The following STARD3NL variants were observed in gnomAD, a reference collection of about 807,000 sequenced individuals.
The protein encoded by STARD3NL is STARD3 N-terminal-like protein.
A neutral mutation model predicts 30.9 loss-of-function variants in STARD3NL; 17 were observed. The observed-to-expected ratio is 0.55, with a 90% CI of 0.38 to 0.82. STARD3NL has a LOEUF of 0.82. STARD3NL is among the 40% of genes least tolerant of loss of function. The pLI is 0.00. For synonymous variants in STARD3NL, 112 were observed against 100.5 expected (o/e 1.11, Z -0.69); for missense variants, 234 against 277.6 (o/e 0.84, Z 1.12).
intron 1 of STARD3NL, among the ~76,000 whole-genome samples, chr7:38,203,927 A>G (rs1478098701): frequency 6.6e-6 from 1 of 151,968 alleles, no homozygotes; most frequent in Non-Finnish European, 1.5e-5. Flanking sequence ...AAGAAGAGCT[A>G]ACTATCCTAA....
chr7:38,187,635 T>G (rs550592421), intron 1 of STARD3NL, among the ~76,000 whole-genome samples: 4 of 126,060 alleles, frequency 3.2e-5, no homozygotes, highest in Admixed American at 7.7e-5. Context: ...AATTTATTAG[T>G]TTTTTTTTCA....
At chr7:38,220,248 A>C (rs1000782353) in intron 7 of STARD3NL, among the ~76,000 whole-genome samples, 1 of 152,240 alleles carries the variant, frequency 6.6e-6, no homozygotes, top group African/African-American at 2.4e-5. Context: ...CAGCAACCAG[A>C]GTGCTCTGTT....
chr7:38,214,954 T>C, intron 3 of STARD3NL, 74 bp from the exon 4 acceptor site: 1 of 1,321,200 alleles, frequency 7.6e-7, no homozygotes, highest in Non-Finnish European at 1.1e-6. Context: ...GAAGACAGTC[T>C]GGTGAGTTTT....
intron 7 of STARD3NL, among the ~76,000 whole-genome samples, chr7:38,221,307 T>C (rs1413022682): frequency 1.3e-5 from 2 of 152,350 alleles, no homozygotes; most frequent in East Asian, 3.9e-4. Context: ...TCCTCCCTTG[T>C]CTGCTTATCT....
At chr7:38,185,037 T>C (rs868723430) in intron 1 of STARD3NL, among the ~76,000 whole-genome samples, 33 of 152,146 alleles carry the variant, frequency 2.2e-4, no homozygotes, top group African/African-American at 7.5e-4. Flanking sequence ...ATTATTAGAC[T>C]GTAAAGCACA....
chr7:38,210,095 A>G (rs1307056909), intron 2 of STARD3NL, among the ~76,000 whole-genome samples: 1 of 152,184 alleles, frequency 6.6e-6, no homozygotes, highest in African/African-American at 2.4e-5. Flanking sequence ...TACACGCAGT[A>G]CCATTCATTT....
intron 4 of STARD3NL, chr7:38,216,697 A>G (rs985471905): frequency 3.2e-6 from 1 of 308,858 alleles, no homozygotes; most frequent in South Asian, 8.0e-5. Context: ...CTACCTATGC[A>G]CTTTACCAGT....
intron 8 of STARD3NL, 113 bp downstream of exon 8, chr7:38,228,984 C>G: frequency 1.5e-6 from 1 of 647,878 alleles, no homozygotes; most frequent in South Asian, 2.8e-5. Flanking sequence ...CCAGAGTTAT[C>G]TTACTTGCAT....
intron 1 of STARD3NL, among the ~76,000 whole-genome samples, chr7:38,185,907 A>T (rs1784439761): frequency 6.6e-6 from 1 of 152,208 alleles, no homozygotes; most frequent in Non-Finnish European, 1.5e-5. Context: ...ACCACTGTGG[A>T]TACTATTGAT....
intron 1 of STARD3NL, among the ~76,000 whole-genome samples, chr7:38,190,650 T>C (rs973951506): frequency 6.6e-6 from 1 of 152,224 alleles, no homozygotes; most frequent in Admixed American, 6.5e-5. Flanking sequence ...TACTAAACTG[T>C]AATCAATTCT....
intron 1 of STARD3NL, among the ~76,000 whole-genome samples, chr7:38,205,526 A>G (rs938369343): frequency 6.6e-6 from 1 of 152,200 alleles, no homozygotes; most frequent in Non-Finnish European, 1.5e-5. Context: ...CTGTGGCTAT[A>G]CCATGATTTA....
chr7:38,199,374 A>G (rs964587766), intron 1 of STARD3NL, among the ~76,000 whole-genome samples: 22 of 152,256 alleles, frequency 1.4e-4, no homozygotes, highest in African/African-American at 5.3e-4. Flanking sequence ...TGAATTCAAC[A>G]GAGATTGCTG....
intron 1 of STARD3NL, among the ~76,000 whole-genome samples, chr7:38,190,056 AT>A (rs1308459432): frequency 3.3e-5 from 5 of 152,190 alleles, no homozygotes; most frequent in African/African-American, 1.2e-4. Flanking sequence ...GTTACCTCTT[AT>A]CCATGGACAG....
intron 1 of STARD3NL, among the ~76,000 whole-genome samples, chr7:38,189,883 C>T (rs1050682931): frequency 2.0e-5 from 3 of 152,030 alleles, no homozygotes; most frequent in Non-Finnish European, 2.9e-5. Flanking sequence ...TACAAAGGTA[C>T]GTGTACAAAA....
intron 1 of STARD3NL, among the ~76,000 whole-genome samples, chr7:38,182,193 A>G (rs1413835941): frequency 6.6e-6 from 1 of 152,086 alleles, no homozygotes; most frequent in Non-Finnish European, 1.5e-5. Context: ...TATTTTATTT[A>G]CACTTTTATC....
In STARD3NL at chr7:38,203,942, A is replaced by ATGTGGATATATATATT. The variant is rs773665407; in HGVS notation, c.-58-3504_-58-3503insGTGGATATATATATTT. On this transcript the variant is annotated intron_variant, in intron 1 of 8. Coordinates refer to ENST00000009041, the MANE Select transcript of STARD3NL (RefSeq NM_032016.4). ...AAGAAGAGCTAACTATCCTAAATATATATGCACCCAATACAGGAGCACCCA... is the reference window on the plus strand; with the variant it reads ...AAGAAGAGCTAACTATCCTAAATATATGTGGATATATATATTTATGCACCCAATACAGGAGCACCCA... 2.0e-3 allele frequency among the ~76,000 whole-genome samples: 304 copies of ATGTGGATATATATATT among 152,320 alleles called. 5 individuals carry two copies. The East Asian group carries it at 0.051, about 25-fold the overall frequency.
chr7:38,197,541 A>G (rs1282853941), intron 1 of STARD3NL, among the ~76,000 whole-genome samples: 2 of 152,136 alleles, frequency 1.3e-5, no homozygotes, highest in Non-Finnish European at 2.9e-5. Flanking sequence ...TCTACAAACC[A>G]TCTTTGAGGT....
rs528650480 is a variant in STARD3NL, at chr7:38,204,572, A to G, written c.-58-2875A>G. Among the ~76,000 whole-genome samples, 11 of 152,292 alleles carry G rather than the reference A, an allele frequency of 7.2e-5. No homozygotes were observed. In the East Asian group the frequency reaches 7.7e-4, roughly 11 times the overall value. ...TTGACACCCTAACATCACAATTAAAAGAACTAGAGAAGCAAGAGCAAACAC... is the reference window on the plus strand; with the variant it reads ...TTGACACCCTAACATCACAATTAAAGGAACTAGAGAAGCAAGAGCAAACAC... On this transcript the variant is annotated intron_variant, in intron 1 of 8. Coordinates refer to ENST00000009041, the MANE Select transcript of STARD3NL (RefSeq NM_032016.4).
intron 7 of STARD3NL, 60 bp from the exon 8 acceptor site, chr7:38,228,739 A>C: frequency 7.1e-7 from 1 of 1,408,626 alleles, no homozygotes; most frequent in Non-Finnish European, 9.9e-7. Flanking sequence ...TTTATTTAAA[A>C]TAGTTTGTTA....
Sources: allele counts gnomAD v4.1 joint callset (sites outside exome capture counted in the v4.1 genomes callset), GRCh38; gene constraint gnomAD v4.1.1; transcripts MANE v1.5; gene names NCBI Gene and HGNC (gene_info 2026-07-23, HGNC 2026-07-21).